SFXN3: variants seen among roughly 807,000 people sequenced by gnomAD.
The protein encoded by SFXN3 is sideroflexin-3.
A neutral mutation model predicts 40.4 loss-of-function variants in SFXN3; 31 were observed. That is an observed-to-expected ratio of 0.77 (90% CI 0.58 to 1.04). SFXN3 has a LOEUF of 1.04. Among genes scored for constraint, SFXN3 ranks in the 50% least tolerant of loss-of-function variants. The pLI, the probability that SFXN3 is intolerant of heterozygous loss-of-function variation, is 0.00. For synonymous variants in SFXN3, 157 were observed against 160.0 expected, an observed-to-expected ratio of 0.98 and a Z score of 0.14; for missense variants, 366 against 408.2, an observed-to-expected ratio of 0.90 and a Z score of 0.89.
At chr10:101,037,417 A>G (rs1380591506) in exon 9 of SFXN3, 2 of 1,614,122 alleles carry the variant, frequency 1.2e-6, no homozygotes, top group Non-Finnish European at 1.7e-6. Flanking sequence ...TCTGGAGAAG[A>G]AAGACTTCCT....
At chr10:101,031,604 G>C (rs1283966766) in intron 1 of SFXN3, 70 bp downstream of exon 1, 1 of 152,458 alleles carries the variant, frequency 6.6e-6, no homozygotes, top group African/African-American at 2.4e-5. Flanking sequence ...CTGTCAGAAG[G>C]CGTCTCTGGC....
chr10:101,032,543 G>C (rs1938327314), intron 2 of SFXN3, 61 bp downstream of exon 2: 1 of 1,480,122 alleles, frequency 6.8e-7, no homozygotes, highest in Non-Finnish European at 9.0e-7. Context: ...AAGGAGGCCT[G>C]CCTTGAAACT....
intron 2 of SFXN3, among the ~76,000 whole-genome samples, chr10:101,034,069 A>G (rs981912678): frequency 1.3e-5 from 2 of 151,940 alleles, no homozygotes; most frequent in Admixed American, 1.3e-4. Context: ...CTCAACTGCA[A>G]GAGGCTTTCC....
intron 1 of SFXN3, among the ~76,000 whole-genome samples, 182 bp downstream of exon 1, chr10:101,031,716 T>A (rs1264331363): frequency 6.6e-6 from 1 of 152,040 alleles, no homozygotes; most frequent in Non-Finnish European, 1.5e-5. Flanking sequence ...GACCGCGAGG[T>A]TCCTGGGGTC....
chr10:101,036,246 T>C lies in SFXN3; in HGVS notation c.431+145T>C. ...TCTCCTCAGCCTGCCCCACCCCGAATTACCCTGCCTAACTGAAGGCATGAG... is the reference window on the plus strand; with the variant it reads ...TCTCCTCAGCCTGCCCCACCCCGAACTACCCTGCCTAACTGAAGGCATGAG... On this transcript the variant is annotated intron_variant, in intron 5 of 11. Coordinates refer to ENST00000393459, the Ensembl canonical transcript of SFXN3. The surrounding 1 kb of genome is among the most constrained non-coding windows in gnomAD (Gnocchi z 4.2). 1.3e-6 allele frequency: 1 copy of C among 781,472 alleles called. No homozygotes were observed. The highest frequency in any genetic ancestry group is 1.6e-5 in the South Asian group (1 of 60,734). 48.4% of individuals were successfully genotyped at this position (781,472 alleles called of 1,614,324 possible).
Position 101,039,133 on chromosome 10 carries a change from G to T in SFXN3, c.822-42G>T. On this transcript the variant is annotated intron_variant, in intron 10 of 11. Transcript: ENST00000393459. The surrounding 1 kb of genome is among the most constrained non-coding windows in gnomAD (Gnocchi z 4.6). The stretch of plus-strand genomic sequence containing the variant: ...GGGGTGCAGGGAGGGAACACCCTAA[G>T]GCCAAAGCTTTACAAACCTTTCCAA... The T allele has an allele frequency of 6.3e-7, 1 of 1,585,396 alleles. No homozygotes were observed. Among genetic ancestry groups the T allele is most frequent in the Non-Finnish European group, 8.7e-7 (1 of 1,154,036 alleles).
intron 3 of SFXN3, 122 bp downstream of exon 3, chr10:101,034,977 T>C (rs1432874268): frequency 1.7e-5 from 22 of 1,273,372 alleles, no homozygotes; most frequent in Non-Finnish European, 2.4e-5. Context: ...CCTCACTCTC[T>C]AGCCCCGTCT....
In SFXN3 at chr10:101,037,059, AC is replaced by A. The variant is rs1421307586; in HGVS notation, c.594-11del. On this transcript the variant is annotated splice_polypyrimidine_tract_variant and intron_variant, in intron 7 of 11. Transcript: ENST00000393459. ...ATCCGGGGCCTGTGATCTGACCCCAACCCCCCTCCCTTGCAGAGAGCTGCAG... is the reference window on the plus strand; with the variant it reads ...ATCCGGGGCCTGTGATCTGACCCCAACCCCCTCCCTTGCAGAGAGCTGCAG... 12 of 1,611,408 alleles carry A rather than the reference AC, an allele frequency of 7.4e-6. No homozygotes were observed. The highest frequency in any genetic ancestry group is 9.3e-6 in the Non-Finnish European group (11 of 1,179,476).
At chr10:101,035,698 T>C in intron 4 of SFXN3, 31 bp downstream of exon 4, 2 of 1,584,194 alleles carry the variant, frequency 1.3e-6, no homozygotes, top group South Asian at 1.2e-5. Flanking sequence ...CCTTCTTCAG[T>C]GCCCTAAGCT....
chr10:101,034,695 A>T, exon 3 of SFXN3: 2 of 1,613,924 alleles, frequency 1.2e-6, no homozygotes, highest in South Asian at 2.2e-5. Flanking sequence ...CCTGCAGAAA[A>T]TGGGTGAATT....
At chr10:101,037,202 G>T (rs762153661) in exon 8 of SFXN3, 1 of 1,613,950 alleles carries the variant, frequency 6.2e-7, no homozygotes. Context: ...TTCCTGCCAT[G>T]GGTAAGGCGG....
Position 101,036,844 on chromosome 10 carries a change from G to C in SFXN3, c.593+36G>C, listed in dbSNP as rs765323789. On this transcript the variant is annotated intron_variant, in intron 7 of 11. Transcript: ENST00000393459. The surrounding 1 kb of genome is among the most constrained non-coding windows in gnomAD (Gnocchi z 4.2). ...CCGGCTCCTGGCATGTGCATGCCCA[G>C]AATGTAGCACACTGTCCATCCACGC... 25 of 1,608,384 alleles carry C rather than the reference G, an allele frequency of 1.6e-5. No individual in the cohort carries two copies. The highest frequency in any genetic ancestry group is 1.4e-5 in the Non-Finnish European group (16 of 1,175,786).
Position 101,039,384 on chromosome 10 carries a change from G to A in SFXN3, c.870-105G>A. ...CAGTGAGCCAGTCCTTCTGGCAGTAGAAGGAGAGGATTTTTCAGCCTGGGA... is the reference window on the plus strand; with the variant it reads ...CAGTGAGCCAGTCCTTCTGGCAGTAAAAGGAGAGGATTTTTCAGCCTGGGA... On this transcript the variant is annotated intron_variant, in intron 11 of 11. Coordinates refer to ENST00000393459, the Ensembl canonical transcript of SFXN3. This position sits in a 1 kb window ranked among gnomAD's most constrained non-coding sequence, Gnocchi z 4.6. 8.0e-7 allele frequency: 1 copy of A among 1,254,568 alleles called. No homozygotes were observed. The highest frequency in any genetic ancestry group is 1.2e-6 in the Non-Finnish European group (1 of 856,860). The allele number at this position is 1,254,568 out of a possible 1,614,324, so 77.7% of individuals were successfully genotyped here.
chr10:101,040,026 TAGG>T (rs1476740640), exon 12 of SFXN3: 1 of 170,566 alleles, frequency 5.9e-6, no homozygotes, highest in Non-Finnish European at 1.3e-5. Flanking sequence ...CTTCTAGAAA[TAGG>T]AGGAGCCCCA....
At position 101,036,335 on chromosome 10, in the gene SFXN3, C is replaced by A; in HGVS notation, c.432-151C>A. On this transcript the variant is annotated intron_variant, in intron 5 of 11. Coordinates refer to ENST00000393459, the Ensembl canonical transcript of SFXN3. The surrounding 1 kb of genome is among the most constrained non-coding windows in gnomAD (Gnocchi z 4.2). Reference sequence around the variant, plus strand: ...ACAGGGTGCTACTGGGGCTTCTAGACAAGTTTACGCCGGAGATGGAGGGAA... The same window carrying A: ...ACAGGGTGCTACTGGGGCTTCTAGAAAAGTTTACGCCGGAGATGGAGGGAA... 1.2e-6 allele frequency: 1 copy of A among 815,248 alleles called. No individual in the cohort carries two copies. The highest frequency in any genetic ancestry group is 2.0e-6 in the Non-Finnish European group (1 of 506,462). 50.5% of individuals were successfully genotyped at this position (815,248 alleles called of 1,614,324 possible).
chr10:101,035,772 A>C, intron 4 of SFXN3, 105 bp downstream of exon 4: 1 of 1,451,040 alleles, frequency 6.9e-7, no homozygotes. Flanking sequence ...AGATTGTGTC[A>C]GAATCGCTTC....
In SFXN3 at chr10:101,036,097, G is replaced by T. The variant is rs764800736; in HGVS notation, c.427G>T (p.Val143Leu). The T allele has an allele frequency of 6.2e-7, 1 of 1,613,214 alleles. No homozygotes were observed. Among genetic ancestry groups the T allele is most frequent in the Non-Finnish European group, 8.5e-7 (1 of 1,179,472 alleles). The change falls in exon 5 of 12, where the codon GTG (valine) becomes TTG (leucine). Residue 143 changes from valine to leucine, a missense_variant. Val to Leu is a conservative substitution (Grantham distance 32). Transcript: ENST00000393459. This position sits in a 1 kb window ranked among gnomAD's most constrained non-coding sequence, Gnocchi z 4.2. Reference sequence around the variant, plus strand: ...CCGCAGTGGTGACACTCCCATCACTGTGAGGTGAGAGCCAGCCCCCAGCAG... The same window carrying T: ...CCGCAGTGGTGACACTCCCATCACTTTGAGGTGAGAGCCAGCCCCCAGCAG...
rs551150465 is a variant in SFXN3 at position 101,033,285 on chromosome 10, T to C, written c.-4+803T>C. Among the ~76,000 whole-genome samples the C allele has an allele frequency of 2.0e-5, 3 of 152,304 alleles. No homozygotes were observed. The East Asian group carries it at 5.8e-4, about 29-fold the overall frequency. On this transcript the variant is annotated intron_variant, in intron 2 of 11. Transcript: ENST00000393459. ...CCTAAAGCTCACCTGAGCATGGGTG[T>C]GTAATATATATATTATATATTCTTG...
chr10:101,036,282 G>A lies in SFXN3; in HGVS notation c.431+181G>A, dbSNP rs933534903. 6.6e-6 allele frequency among the ~76,000 whole-genome samples: 1 copy of A among 152,226 alleles called. No individual in the cohort carries two copies. The highest frequency in any genetic ancestry group is 2.4e-5 in the African/African-American group (1 of 41,446). On this transcript the variant is annotated intron_variant, in intron 5 of 11. Transcript: ENST00000393459. This position sits in a 1 kb window ranked among gnomAD's most constrained non-coding sequence, Gnocchi z 4.2. The stretch of plus-strand genomic sequence containing the variant: ...AACTGAAGGCATGAGGTCCTCTTAT[G>A]TATGCTGTGGGGGACCCACCCCTCT...
Sources: gnomAD v4.1 joint callset for allele counts (sites outside exome capture counted in the v4.1 genomes callset) on GRCh38, gnomAD v4.1.1 for gene constraint, Gnocchi (gnomAD v3.1) non-coding constraint, MANE v1.5 for transcripts, NCBI Gene and HGNC (gene_info 2026-07-23, HGNC 2026-07-21) for gene names.